Variants in SNRPN observed in about 807,000 individuals in gnomAD.
SNRPN encodes the protein small nuclear ribonucleoprotein polypeptide N.
Under a neutral mutation model 25.2 loss-of-function variants are expected in SNRPN, and 7 were observed. That is an observed-to-expected ratio of 0.28 (90% CI 0.16 to 0.52). SNRPN has a LOEUF of 0.52. SNRPN is among the 20% of genes least tolerant of loss of function. The pLI is 0.96. For synonymous variants in SNRPN, 124 were observed against 110.6 expected, an observed-to-expected ratio of 1.12 and a Z score of -0.76; for missense variants, 196 against 322.5, an observed-to-expected ratio of 0.61 and a Z score of 3.00.
upstream of SNRPN, among the ~76,000 whole-genome samples, chr15:24,853,543 G>C (rs559512054): frequency 4.6e-5 from 7 of 151,988 alleles, no homozygotes; most frequent in Non-Finnish European, 7.4e-5. Flanking sequence ...ACAGGCGCCC[G>C]CCACCACGCC....
At chr15:24,836,121 C>T (rs1335760433) in intron 2 of SNRPN, among the ~76,000 whole-genome samples, 1 of 152,106 alleles carries the variant, frequency 6.6e-6, no homozygotes, top group Non-Finnish European at 1.5e-5. Flanking sequence ...CAGATGGCCA[C>T]CTTCTCTCTG....
chr15:24,954,763 TC>T (rs2062560565), upstream of SNRPN, among the ~76,000 whole-genome samples: 1 of 152,246 alleles, frequency 6.6e-6, no homozygotes, highest in African/African-American at 2.4e-5. Context: ...TGTCCATTGA[TC>T]CCAGGTTGCT....
intron 1 of SNRPN, among the ~76,000 whole-genome samples, chr15:24,870,184 G>A (rs537455958): frequency 1.1e-4 from 17 of 151,922 alleles, no homozygotes; most frequent in Non-Finnish European, 1.0e-4. Flanking sequence ...TGTTTATTTC[G>A]TGCCCAAGCC....
At chr15:24,934,123 C>T (rs1036882169) in intron 3 of SNRPN, among the ~76,000 whole-genome samples, 1 of 151,994 alleles carries the variant, frequency 6.6e-6, no homozygotes. Flanking sequence ...CATGGTGAAA[C>T]CCCGTCTCTA....
chr15:24,859,664 G>A (rs1485543812), intron 1 of SNRPN, among the ~76,000 whole-genome samples: 1 of 152,204 alleles, frequency 6.6e-6, no homozygotes, highest in Admixed American at 6.5e-5. Context: ...AGTCTGCAGA[G>A]TAAAGTGAAA....
At chr15:24,930,728 C>T (rs948321473) in intron 3 of SNRPN, among the ~76,000 whole-genome samples, 8 of 151,702 alleles carry the variant, frequency 5.3e-5, no homozygotes, top group African/African-American at 1.7e-4. Flanking sequence ...GGTGAAACCC[C>T]GTCTCTACTA....
At chr15:24,877,661 AACACAC>A (rs72120147) in intron 1 of SNRPN, among the ~76,000 whole-genome samples, 36,288 of 144,560 alleles carry the variant, frequency 0.25, 4,776 homozygotes, top group Admixed American at 0.44. Flanking sequence ...ATCTCTACAA[AACACAC>A]ACACACACAC....
At chr15:24,937,318 AT>A (rs1208819896) in intron 3 of SNRPN, among the ~76,000 whole-genome samples, 1 of 152,150 alleles carries the variant, frequency 6.6e-6, no homozygotes, top group Non-Finnish European at 1.5e-5. Flanking sequence ...TATTTAAAAA[AT>A]TTTCAGTGAT....
intron 5 of SNRPN, 88 bp downstream of exon 5, chr15:24,975,597 C>A (rs1023976843): frequency 9.1e-7 from 1 of 1,103,612 alleles, no homozygotes; most frequent in African/African-American, 1.5e-5. Context: ...CCGAGGGTAA[C>A]TGAAGTAGTT....
At chr15:24,903,303 C>G (rs2058586793) in intron 2 of SNRPN, among the ~76,000 whole-genome samples, 1 of 152,288 alleles carries the variant, frequency 6.6e-6, no homozygotes, top group Admixed American at 6.5e-5. Context: ...AGGGATTCCA[C>G]AGATATGACT....
At chr15:24,932,850 T>A (rs1440561319) in intron 3 of SNRPN, among the ~76,000 whole-genome samples, 2 of 152,010 alleles carry the variant, frequency 1.3e-5, no homozygotes, top group Non-Finnish European at 2.9e-5. Context: ...GGTTTCACGA[T>A]GTTGGTTAGG....
At chr15:24,923,881 A>ATGTG (rs58343685) in intron 3 of SNRPN, among the ~76,000 whole-genome samples, 14,281 of 105,788 alleles carry the variant, frequency 0.13, 1,131 homozygotes, top group East Asian at 0.32. Context: ...AGTGCCGTGT[A>ATGTG]TGTGTGTGTG....
intron 2 of SNRPN, among the ~76,000 whole-genome samples, chr15:24,916,907 C>G (rs908611581): frequency 6.6e-6 from 1 of 152,156 alleles, no homozygotes; most frequent in African/African-American, 2.4e-5. Flanking sequence ...ATCGAAAGAA[C>G]AAAATTTCCA....
At chr15:24,896,583 G>C (rs147499878) in intron 2 of SNRPN, among the ~76,000 whole-genome samples, 3 of 151,940 alleles carry the variant, frequency 2.0e-5, no homozygotes, top group Non-Finnish European at 4.4e-5. Context: ...GTGTGGTGGC[G>C]GGCGCCTGTA....
chr15:24,885,324 C>T (rs2057098516), intron 1 of SNRPN, among the ~76,000 whole-genome samples: 1 of 152,104 alleles, frequency 6.6e-6, no homozygotes, highest in Admixed American at 6.5e-5. Flanking sequence ...CTTAAAATGC[C>T]ATTACTTTGG....
At chr15:24,844,455 C>T (rs749082964) in intron 2 of SNRPN, among the ~76,000 whole-genome samples, 3 of 152,150 alleles carry the variant, frequency 2.0e-5, no homozygotes, top group African/African-American at 4.8e-5. Context: ...TGTGCCATCT[C>T]GTCTTTCTCT....
chr15:24,917,239 G>C (rs1174116711), intron 2 of SNRPN, among the ~76,000 whole-genome samples: 3 of 152,058 alleles, frequency 2.0e-5, no homozygotes, highest in Non-Finnish European at 4.4e-5. Context: ...TAAATTTCCA[G>C]GTAAGTAGGA....
chr15:24,835,756 C>T (rs897995580), intron 2 of SNRPN, among the ~76,000 whole-genome samples: 9 of 152,088 alleles, frequency 5.9e-5, no homozygotes, highest in African/African-American at 2.2e-4. Flanking sequence ...AGAACCTATG[C>T]GCGGAGTATG....
intron 1 of SNRPN, among the ~76,000 whole-genome samples, chr15:24,885,026 G>A (rs1026374621): frequency 3.3e-5 from 5 of 152,154 alleles, no homozygotes; most frequent in African/African-American, 9.7e-5. Flanking sequence ...ACTAAACTAA[G>A]CTGTGTCTAC....
Sources: gnomAD v4.1 joint callset for allele counts (sites outside exome capture counted in the v4.1 genomes callset) on GRCh38, gnomAD v4.1.1 for gene constraint, MANE v1.5 for transcripts, NCBI Gene and HGNC (gene_info 2026-07-23, HGNC 2026-07-21) for gene names.